The following POU2F1 variants were observed in gnomAD, a reference collection of about 807,000 sequenced individuals.
The protein encoded by POU2F1 is POU domain, class 2, transcription factor 1.
In POU2F1, 16 loss-of-function variants were observed where a neutral mutation model predicts 84.9. That is an observed-to-expected ratio of 0.19 (90% CI 0.13 to 0.29). POU2F1 has a LOEUF of 0.29. POU2F1 is among the 10% of genes least tolerant of loss of function. POU2F1 has a pLI of 1.00. For synonymous variants in POU2F1, 368 were observed against 368.3 expected (o/e 1.00, Z 0.01); for missense variants, 738 against 942.6 (o/e 0.78, Z 2.84).
chr1:167,237,748 A>G (rs6662948), intron 1 of POU2F1, among the ~76,000 whole-genome samples: 638 of 47,432 alleles, frequency 0.013, 6 homozygotes, highest in African/African-American at 0.044. Flanking sequence ...GTGTGTGTGT[A>G]TATATATATA....
At chr1:167,399,387 T>C (rs1473565840) in intron 12 of POU2F1, 22 bp downstream of exon 12, 1 of 1,583,726 alleles carries the variant, frequency 6.3e-7, no homozygotes, top group Admixed American at 1.8e-5. Flanking sequence ...AAATAGGGAG[T>C]GCAAGCTCAA....
intron 1 of POU2F1, among the ~76,000 whole-genome samples, chr1:167,235,947 A>G (rs887306003): frequency 6.6e-6 from 1 of 152,200 alleles, no homozygotes; most frequent in Non-Finnish European, 1.5e-5. Flanking sequence ...AATTTTGTAC[A>G]TGTCGTCAGG....
At chr1:167,221,219 C>CCGCCGCT (rs1316641202) in intron 1 of POU2F1, among the ~76,000 whole-genome samples, 14 of 151,454 alleles carry the variant, frequency 9.2e-5, no homozygotes, top group Non-Finnish European at 2.1e-4. Context: ...GCCCACCCCG[C>CCGCCGCT]CGCCGCTCGC....
Position 167,267,440 on chromosome 1 carries a change from CTCTTT to C in POU2F1, c.61+46484_61+46488del, listed in dbSNP as rs561296168. 1.2e-4 allele frequency among the ~76,000 whole-genome samples: 18 copies of C among 152,038 alleles called. No individual in the cohort carries two copies. The East Asian group carries it at 3.5e-3, about 29-fold the overall frequency. Reference sequence around the variant, plus strand: ...AGACAGTGATCTTACTTATAACTAGCTCTTTTAAGATTTTGAAGCAGTCCTTTGTA... The same window carrying C: ...AGACAGTGATCTTACTTATAACTAGCTAAGATTTTGAAGCAGTCCTTTGTA... On this transcript the variant is annotated intron_variant, in intron 1 of 15. Coordinates refer to ENST00000367866, the MANE Select transcript of POU2F1 (RefSeq NM_002697.4).
chr1:167,269,914 A>C (rs1049087011), intron 1 of POU2F1, among the ~76,000 whole-genome samples: 1 of 19,672 alleles, frequency 5.1e-5, no homozygotes, highest in Non-Finnish European at 1.9e-4. Context: ...TCTCTGTCTC[A>C]AAAAAAAAAA....
At chr1:167,413,987 T>TAAAAAAAAAAAAAAA (rs372662250) in intron 15 of POU2F1, among the ~76,000 whole-genome samples, 1 of 126,440 alleles carries the variant, frequency 7.9e-6, no homozygotes. Context: ...ACCCTGTTTC[T>TAAAAAAAAAAAAAAA]AAAAAAAAAA....
chr1:167,372,179 C>G, intron 5 of POU2F1, 143 bp downstream of exon 5: 5 of 998,634 alleles, frequency 5.0e-6, no homozygotes, highest in Non-Finnish European at 7.2e-6. Context: ...ACTTCCTACA[C>G]TGTAGGTAGT....
rs1189433274 is a variant in POU2F1 at position 167,418,670 on chromosome 1, C to G, written c.*2860C>G. 2.6e-5 allele frequency: 4 copies of G among 151,950 alleles called. No homozygotes were observed. The highest frequency in any genetic ancestry group is 5.9e-5 in the Non-Finnish European group (4 of 67,970). The allele number at this position is 151,950 out of a possible 1,614,324, so 9.4% of individuals were successfully genotyped here. A position where few individuals can be genotyped will look rare whatever the true frequency, so the allele number is the denominator to read the frequency against. On this transcript the variant is annotated 3_prime_UTR_variant, in exon 16 of 16. Transcript: ENST00000367866. ...GGCTGTTTGGGTGGTTTTTTTTTCCCCACATATGGTTTAGAAAATGATCCC... is the reference window on the plus strand; with the variant it reads ...GGCTGTTTGGGTGGTTTTTTTTTCCGCACATATGGTTTAGAAAATGATCCC...
chr1:167,261,611 A>G (rs1345076392), intron 1 of POU2F1, among the ~76,000 whole-genome samples: 2 of 152,174 alleles, frequency 1.3e-5, no homozygotes, highest in Admixed American at 1.3e-4. Flanking sequence ...TGATCTCTCC[A>G]CTCAATTTCC....
chr1:167,358,091 C>T (rs753942007), intron 2 of POU2F1, among the ~76,000 whole-genome samples: 25 of 150,432 alleles, frequency 1.7e-4, no homozygotes, highest in South Asian at 6.3e-4. Flanking sequence ...CATGAGCCAC[C>T]GCATCTGGCC....
chr1:167,266,200 C>T (rs1651938366), intron 1 of POU2F1, among the ~76,000 whole-genome samples: 3 of 152,164 alleles, frequency 2.0e-5, no homozygotes, highest in African/African-American at 7.2e-5. Flanking sequence ...TAGATGAACA[C>T]ATGCCATAGG....
At chr1:167,232,450 T>G (rs531101498) in intron 1 of POU2F1, among the ~76,000 whole-genome samples, 1 of 152,220 alleles carries the variant, frequency 6.6e-6, no homozygotes, top group Non-Finnish European at 1.5e-5. Flanking sequence ...TAAGAGCTTA[T>G]AGAATAAGGA....
intron 8 of POU2F1, 48 bp from the exon 9 acceptor site, chr1:167,389,540 A>T (rs938774768): frequency 1.9e-6 from 3 of 1,605,226 alleles, no homozygotes; most frequent in Non-Finnish European, 2.6e-6. Context: ...GTAAACCTAA[A>T]TATCTCTTCA....
At chr1:167,401,385 A>T in intron 12 of POU2F1, 66 bp from the exon 13 acceptor site, 1 of 1,145,448 alleles carries the variant, frequency 8.7e-7, no homozygotes, top group South Asian at 1.4e-5. Context: ...GAAAGACTGT[A>T]AAATCATTTC....
chr1:167,245,339 G>A (rs1164758132), intron 1 of POU2F1, among the ~76,000 whole-genome samples: 1 of 151,612 alleles, frequency 6.6e-6, no homozygotes, highest in African/African-American at 2.4e-5. Context: ...ACCTCCTTGG[G>A]CTCAAGTGAT....
chr1:167,408,610 G>T (rs1284804190), intron 13 of POU2F1, among the ~76,000 whole-genome samples: 1 of 152,156 alleles, frequency 6.6e-6, no homozygotes, highest in South Asian at 2.1e-4. Context: ...CCAGATGCAA[G>T]AGACTACATA....
intron 1 of POU2F1, among the ~76,000 whole-genome samples, chr1:167,325,442 T>C (rs1644480282): frequency 6.6e-6 from 1 of 152,132 alleles, no homozygotes; most frequent in South Asian, 2.1e-4. Context: ...ATGTTAATGA[T>C]TTAGTAAGGT....
rs1419058805 is a variant in POU2F1, at chr1:167,397,896, G to A, written c.1130-98G>A. The A allele has an allele frequency of 2.4e-6, 3 of 1,259,502 alleles. No homozygotes were observed. The African/African-American group carries it at 4.5e-5, about 19-fold the overall frequency. 78.0% of individuals were successfully genotyped at this position (1,259,502 alleles called of 1,614,324 possible). A position where few individuals can be genotyped will look rare whatever the true frequency, so the allele number is the denominator to read the frequency against. On this transcript the variant is annotated intron_variant, in intron 10 of 15. Coordinates refer to ENST00000367866, the MANE Select transcript of POU2F1 (RefSeq NM_002697.4). ...TGTGAAAACCTTTTCATACTTGGAT[G>A]TAGCTTATTTTGTCAGTTTTGTTGT...
rs918542794 is a variant in POU2F1 at position 167,372,589 on chromosome 1, A to G, written c.402+553A>G. Among the ~76,000 whole-genome samples, 5 of 152,234 alleles carry G rather than the reference A, an allele frequency of 3.3e-5. No homozygotes were observed. In the East Asian group the frequency reaches 7.7e-4, roughly 23 times the overall value. ...ATACTAATAATACCTATCTCACATT[A>G]CTGTTGTAAAGATTGGAGATAATAC... On this transcript the variant is annotated intron_variant, in intron 5 of 15. Transcript: ENST00000367866.
Sources: allele counts gnomAD v4.1 joint callset (sites outside exome capture counted in the v4.1 genomes callset), GRCh38; gene constraint gnomAD v4.1.1; transcripts MANE v1.5; gene names NCBI Gene and HGNC (gene_info 2026-07-23, HGNC 2026-07-21).